Variants in PLD5 observed in about 807,000 individuals in gnomAD.
PLD5 encodes phospholipase D family member 5, also known as inactive phospholipase D5.
Under a neutral mutation model 61.1 loss-of-function variants are expected in PLD5, and 36 were observed. That is an observed-to-expected ratio of 0.59 (90% CI 0.45 to 0.78). PLD5 has a LOEUF of 0.78. PLD5 is among the 30% of genes least tolerant of loss of function. The pLI, the probability that PLD5 is intolerant of heterozygous loss-of-function variation, is 0.00. For missense variants in PLD5, 515 were observed against 644.4 expected (o/e 0.80, Z 2.17); for synonymous variants, 243 against 242.8 (o/e 1.00, Z -0.01).
At chr1:242,275,003 G>A (rs1037032078) in intron 3 of PLD5, among the ~76,000 whole-genome samples, 1 of 151,980 alleles carries the variant, frequency 6.6e-6, no homozygotes, top group African/African-American at 2.4e-5. Context: ...AAACATAAGC[G>A]CCCAATTGCA....
At chr1:242,422,644 G>A (rs1188732247) in intron 1 of PLD5, among the ~76,000 whole-genome samples, 3 of 152,124 alleles carry the variant, frequency 2.0e-5, no homozygotes, top group Non-Finnish European at 4.4e-5. Flanking sequence ...GATAACAACA[G>A]AATCTGGACA....
intron 4 of PLD5, among the ~76,000 whole-genome samples, chr1:242,242,016 C>CACAT (rs1672083955): frequency 7.7e-6 from 1 of 130,060 alleles, no homozygotes. Flanking sequence ...TATATAGACA[C>CACAT]ACACACACAC....
At chr1:242,214,510 C>T (rs529636856) in intron 5 of PLD5, among the ~76,000 whole-genome samples, 1 of 152,290 alleles carries the variant, frequency 6.6e-6, no homozygotes, top group African/African-American at 2.4e-5. Flanking sequence ...CTGCCTGGCC[C>T]ATTGGCTTAT....
intron 1 of PLD5, among the ~76,000 whole-genome samples, chr1:242,456,288 G>A (rs903193216): frequency 2.6e-5 from 4 of 152,108 alleles, no homozygotes; most frequent in Admixed American, 1.3e-4. Flanking sequence ...CTGGCTACAG[G>A]TGACGATTTA....
intron 1 of PLD5, among the ~76,000 whole-genome samples, chr1:242,385,402 G>T (rs1662540158): frequency 6.6e-6 from 1 of 152,000 alleles, no homozygotes. Context: ...TCAAGTACAT[G>T]TGCCTCATAA....
intron 2 of PLD5, among the ~76,000 whole-genome samples, chr1:242,315,028 A>T (rs1227263156): frequency 6.6e-6 from 1 of 152,208 alleles, no homozygotes; most frequent in Non-Finnish European, 1.5e-5. Flanking sequence ...CCATTTGGCC[A>T]AGCAGTTACT....
intron 5 of PLD5, among the ~76,000 whole-genome samples, chr1:242,134,297 T>C (rs1393269998): frequency 1.3e-5 from 2 of 152,212 alleles, no homozygotes; most frequent in African/African-American, 4.8e-5. Flanking sequence ...ATGCTGAACA[T>C]GCCTTATCTC....
At chr1:242,337,044 G>A (rs1192018315) in intron 2 of PLD5, among the ~76,000 whole-genome samples, 6 of 151,858 alleles carry the variant, frequency 4.0e-5, no homozygotes, top group Non-Finnish European at 1.5e-5. Flanking sequence ...AGGTAGACGA[G>A]CTGAGATGCA....
chr1:242,142,714 T>TTCTCTCTCTC (rs35627694), intron 5 of PLD5, among the ~76,000 whole-genome samples: 149 of 90,086 alleles, frequency 1.7e-3, no homozygotes, highest in African/African-American at 3.6e-3. Context: ...AGCTGTGTCT[T>TTCTCTCTCTC]TCTCTCTCTC....
intron 1 of PLD5, among the ~76,000 whole-genome samples, 191 bp downstream of exon 1, chr1:242,523,897 C>T (rs1045854015): frequency 6.6e-6 from 1 of 152,178 alleles, no homozygotes; most frequent in Non-Finnish European, 1.5e-5. Context: ...CCTGCCCTCC[C>T]CTCCCCGCAG....
intron 5 of PLD5, among the ~76,000 whole-genome samples, chr1:242,218,826 T>C (rs1670381416): frequency 6.6e-6 from 1 of 152,228 alleles, no homozygotes; most frequent in African/African-American, 2.4e-5. Flanking sequence ...TGTCTCAGCT[T>C]CTTCCTTTGC....
At chr1:242,184,073 G>A (rs1296946218) in intron 5 of PLD5, among the ~76,000 whole-genome samples, 1 of 152,134 alleles carries the variant, frequency 6.6e-6, no homozygotes, top group Admixed American at 6.5e-5. Flanking sequence ...GTGTGGACCT[G>A]TTCAGCACTG....
At chr1:242,346,558 C>T (rs771078235) in intron 2 of PLD5, among the ~76,000 whole-genome samples, 2 of 152,078 alleles carry the variant, frequency 1.3e-5, no homozygotes, top group East Asian at 1.9e-4. Flanking sequence ...TACTGTTCTT[C>T]CATTGCTTTC....
intron 1 of PLD5, among the ~76,000 whole-genome samples, chr1:242,460,914 T>C (rs1667097966): frequency 6.8e-6 from 1 of 147,682 alleles, no homozygotes; most frequent in Non-Finnish European, 1.5e-5. Context: ...CCAAGGTGAG[T>C]GGATCACCTG....
intron 1 of PLD5, among the ~76,000 whole-genome samples, chr1:242,368,277 C>T (rs558934714): frequency 1.3e-5 from 2 of 152,264 alleles, no homozygotes; most frequent in East Asian, 1.9e-4. Context: ...TCCCCTTCAT[C>T]AGAGCCCTGA....
chr1:242,439,292 C>T (rs551879273), intron 1 of PLD5, among the ~76,000 whole-genome samples: 1 of 152,168 alleles, frequency 6.6e-6, no homozygotes, highest in Non-Finnish European at 1.5e-5. Flanking sequence ...GAGACCGAGG[C>T]TGATGGTTAT....
At chr1:242,443,156 G>A (rs1426616309) in intron 1 of PLD5, among the ~76,000 whole-genome samples, 1 of 152,126 alleles carries the variant, frequency 6.6e-6, no homozygotes, top group African/African-American at 2.4e-5. Flanking sequence ...ATACAGATGT[G>A]ATTCCCCCCT....
chr1:242,319,070 A>C (rs562483348), intron 2 of PLD5, among the ~76,000 whole-genome samples: 8 of 152,158 alleles, frequency 5.3e-5, no homozygotes, highest in Non-Finnish European at 1.0e-4. Context: ...CTCCTCGAAC[A>C]TGGGGGCTTC....
rs77757706 is a variant in PLD5, at chr1:242,141,969, T to C, written c.736-17304A>G. ...TAATATATATAACATCTATTTCACATCCCATTCATTGACAGCTCATCCACT... is the reference window on the plus strand; with the variant it reads ...TAATATATATAACATCTATTTCACACCCCATTCATTGACAGCTCATCCACT... On this transcript the variant is annotated intron_variant, in intron 5 of 9. Coordinates refer to ENST00000536534, the MANE Select transcript of PLD5 (RefSeq NM_001372062.1). Among the ~76,000 whole-genome samples, 770 of 152,324 alleles carry C rather than the reference T, an allele frequency of 5.1e-3. 17 individuals are homozygous for C. In the East Asian group the frequency reaches 0.057, roughly 11 times the overall value.
Sources: allele counts gnomAD v4.1 joint callset (sites outside exome capture counted in the v4.1 genomes callset), GRCh38; gene constraint gnomAD v4.1.1; transcripts MANE v1.5; gene names NCBI Gene and HGNC (gene_info 2026-07-23, HGNC 2026-07-21).